The following KIF20B variants were observed in gnomAD, a reference collection of about 807,000 sequenced individuals.
The protein encoded by KIF20B is kinesin-like protein KIF20B.
A neutral mutation model predicts 232.5 loss-of-function variants in KIF20B; 188 were observed. That is an observed-to-expected ratio of 0.81 (90% CI 0.72 to 0.91). The LOEUF (loss-of-function observed/expected upper bound fraction) is 0.91. KIF20B is among the 40% of genes least tolerant of loss of function. The pLI, the probability that KIF20B is intolerant of heterozygous loss-of-function variation, is 0.00. For missense variants in KIF20B, 2,154 were observed against 2,055.9 expected (o/e 1.05, Z -0.92); for synonymous variants, 712 against 683.0 (o/e 1.04, Z -0.66).
intron 9 of KIF20B, among the ~76,000 whole-genome samples, chr10:89,717,103 T>C (rs1842951453): frequency 6.6e-6 from 1 of 152,244 alleles, no homozygotes. Flanking sequence ...GAGTATTGGC[T>C]AGCTGTACAT....
rs1886996 is a variant in KIF20B, at chr10:89,738,370, T to A, written c.3529T>A (p.Cys1177Ser). ...ETILETQKVE[C>S]SHSAKLEQDI... is the part of the protein sequence containing the mutation. ...AATTTTAGAGACTCAGAAAGTTGAA[T>A]GTAGTCATTCAGCCAAGTTAGAACA... The change falls in exon 20 of 33, where the codon TGT becomes AGT. Residue 1177 changes from cysteine (C) to serine (S), a missense_variant. By Grantham distance (112) the Cys-to-Ser change is moderately radical. Transcript: ENST00000371728. 6.2e-7 allele frequency: 1 copy of A among 1,608,490 alleles called. No individual in the cohort carries two copies. Among genetic ancestry groups the A allele is most frequent in the Admixed American group, 1.7e-5 (1 of 58,988 alleles).
chr10:89,753,011 A>G (rs1209238805), intron 25 of KIF20B, among the ~76,000 whole-genome samples: 1 of 152,174 alleles, frequency 6.6e-6, no homozygotes, highest in Admixed American at 6.5e-5. Flanking sequence ...CTTACTCATC[A>G]AATACTGCTG....
chr10:89,719,008 G>T, intron 12 of KIF20B, 136 bp downstream of exon 12: 1 of 582,630 alleles, frequency 1.7e-6, no homozygotes. Context: ...CAAGTAGGAA[G>T]ACATGAGAAA....
intron 1 of KIF20B, among the ~76,000 whole-genome samples, chr10:89,702,567 G>A (rs1367258504): frequency 6.6e-6 from 1 of 152,138 alleles, no homozygotes; most frequent in African/African-American, 2.4e-5. Flanking sequence ...GAGGCTTTGT[G>A]TTGTAGACCA....
intron 22 of KIF20B, among the ~76,000 whole-genome samples, chr10:89,744,913 T>TG (rs1177306614): frequency 6.6e-6 from 1 of 152,216 alleles, no homozygotes; most frequent in Admixed American, 6.5e-5. Flanking sequence ...TAGATGAGAT[T>TG]GGGGGTGAAG....
intron 13 of KIF20B, among the ~76,000 whole-genome samples, chr10:89,719,907 C>A (rs1007469927): frequency 1.9e-4 from 29 of 152,082 alleles, no homozygotes; most frequent in Admixed American, 1.7e-3. Flanking sequence ...TCTCCACTTA[C>A]CATTTTATGA....
rs373759708 is a variant in KIF20B at position 89,732,992 on chromosome 10, C to A, written c.2481C>A (p.Ile827=). The A allele has an allele frequency of 2.5e-6, 4 of 1,613,430 alleles. No individual in the cohort carries two copies. The highest frequency in any genetic ancestry group is 3.4e-6 in the Non-Finnish European group (4 of 1,179,642). ...VEVPKDSKSK[I]CSERKRVNEN... ...TACCTAAGGACAGCAAATCTAAAAT[C>A]TGTTCAGAAAGAAAAAGAGTAAATG... Residue 827 remains isoleucine (I), a synonymous_variant, in exon 19 of 33, where the codon ATC becomes ATA. Coordinates refer to ENST00000371728, the MANE Select transcript of KIF20B (RefSeq NM_001284259.2).
At chr10:89,723,163 T>C (rs7096466) in intron 13 of KIF20B, among the ~76,000 whole-genome samples, 46,970 of 152,068 alleles carry the variant, frequency 0.31, 8,166 homozygotes, top group African/African-American at 0.46. Context: ...AAAGTCTGGA[T>C]AGCTGTAGAA....
rs1842529955 is a variant in KIF20B at position 89,774,519 on chromosome 10, A to C, written c.*471A>C. The C allele has an allele frequency of 6.6e-6, 1 of 152,052 alleles. No homozygotes were observed. The highest frequency in any genetic ancestry group is 1.5e-5 in the Non-Finnish European group (1 of 67,944). 9.4% of individuals were successfully genotyped at this position (152,052 alleles called of 1,614,324 possible). On this transcript the variant is annotated 3_prime_UTR_variant, in exon 33 of 33. Transcript: ENST00000371728. ...ATTTAGAAAAGATCTCAAGTCTTTA[A>C]TTAGAATGTCTCACTTATTTTGTAA... is the stretch of plus-strand genomic sequence containing the variant.
chr10:89,770,722 G>A (rs1409121432), intron 31 of KIF20B, among the ~76,000 whole-genome samples: 1 of 151,670 alleles, frequency 6.6e-6, no homozygotes, highest in Non-Finnish European at 1.5e-5. Context: ...AATATAGAGA[G>A]AAAAGAAAAA....
At chr10:89,768,909 A>G in intron 31 of KIF20B, 21 bp downstream of exon 31, 3 of 1,568,720 alleles carry the variant, frequency 1.9e-6, no homozygotes, top group Middle Eastern at 1.7e-4. Flanking sequence ...AATTAATTAA[A>G]TGACCTTTTT....
At position 89,754,543 on chromosome 10, in the gene KIF20B, A is replaced by T; in HGVS notation, c.4373A>T (p.Asp1458Val). Reference sequence around the variant, plus strand: ...GAGTCTGAACAGAAATATAATGCTGATAGAAAGAAATGGTTAGAAGAAAAA... The same window carrying T: ...GAGTCTGAACAGAAATATAATGCTGTTAGAAAGAAATGGTTAGAAGAAAAA... ...LQESEQKYNA[D>V]RKKWLEEKMM... is the part of the protein sequence containing the mutation. Residue 1458 changes from aspartate to valine, a missense_variant, in exon 26 of 33, where the codon GAT becomes GTT. Physicochemically the swap from Asp to Val is radical, Grantham distance 152. Coordinates refer to ENST00000371728, the MANE Select transcript of KIF20B (RefSeq NM_001284259.2). The T allele has an allele frequency of 6.3e-7, 1 of 1,599,536 alleles. No homozygotes were observed. The highest frequency in any genetic ancestry group is 1.3e-5 in the African/African-American group (1 of 74,496).
At chr10:89,740,288 A>T (rs1478286447) in intron 21 of KIF20B, among the ~76,000 whole-genome samples, 3 of 147,240 alleles carry the variant, frequency 2.0e-5, no homozygotes, top group Middle Eastern at 3.3e-3. Context: ...TTTAAAAAAA[A>T]TTTACTGGTT....
In KIF20B at chr10:89,717,648, G is replaced by A. The variant is rs1262064560; in HGVS notation, c.1197G>A (p.Glu399=). ...AGAATGAAGGTGAAAGGTTAAGAGAGACTGGGAATATCAACACTTCTTTAT... is the reference window on the plus strand; with the variant it reads ...AGAATGAAGGTGAAAGGTTAAGAGAAACTGGGAATATCAACACTTCTTTAT... ...KTQNEGERLR[E]TGNINTSLLT... Residue 399 remains glutamate, a synonymous_variant, in exon 11 of 33, where the codon GAG becomes GAA. Transcript: ENST00000371728. The A allele has an allele frequency of 5.6e-6, 9 of 1,610,228 alleles. No homozygotes were observed. Among genetic ancestry groups the A allele is most frequent in the Non-Finnish European group, 7.6e-6 (9 of 1,177,084 alleles).
chr10:89,754,596 G>A lies in KIF20B; in HGVS notation c.4426G>A (p.Ala1476Thr), dbSNP rs1272964199. ...KMMLITQAKE[A>T]ENIRNKEMKK... ...GATGCTTATCACTCAAGCGAAAGAA[G>A]CAGAGAATATACGAAATAAAGAGAT... The change falls in exon 26 of 33, where the codon GCA becomes ACA. Residue 1476 changes from alanine to threonine, a missense_variant. Physicochemically the swap from Ala to Thr is moderately conservative, Grantham distance 58. Transcript: ENST00000371728. 1 of 1,606,826 alleles carries A rather than the reference G, an allele frequency of 6.2e-7. No individual in the cohort carries two copies. The highest frequency in any genetic ancestry group is 1.7e-5 in the Admixed American group (1 of 59,096).
intron 23 of KIF20B, among the ~76,000 whole-genome samples, chr10:89,747,706 A>AAG (rs1841943300): frequency 6.6e-6 from 1 of 151,632 alleles, no homozygotes; most frequent in East Asian, 1.9e-4. Flanking sequence ...TGGACACAGG[A>AAG]AGGGGAACAT....
rs1490568537 is a variant in KIF20B at position 89,738,040 on chromosome 10, A to G, written c.3199A>G (p.Ile1067Val). Residue 1067 changes from isoleucine to valine, a missense_variant, in exon 20 of 33, where the codon ATT becomes GTT. Transcript: ENST00000371728. ...AGCTATTTGGGAAGAATGTAAAGAGATTGTGAAGGCCTCTTCCAAAAAAAG... is the reference window on the plus strand; with the variant it reads ...AGCTATTTGGGAAGAATGTAAAGAGGTTGTGAAGGCCTCTTCCAAAAAAAG... ...IEAIWEECKEIVKASSKKSHQ... is the reference protein window; with the variant it reads ...IEAIWEECKEVVKASSKKSHQ... 18 of 1,613,378 alleles carry G rather than the reference A, an allele frequency of 1.1e-5. No homozygotes were observed. Among genetic ancestry groups the G allele is most frequent in the African/African-American group, 4.0e-5 (3 of 74,896 alleles).
chr10:89,723,183 A>G (rs932492722), intron 13 of KIF20B, among the ~76,000 whole-genome samples: 1 of 152,212 alleles, frequency 6.6e-6, no homozygotes, highest in Non-Finnish European at 1.5e-5. Flanking sequence ...ACTATTTTCA[A>G]ATATAAAGTT....
At chr10:89,703,447 C>T (rs1365537114) in intron 1 of KIF20B, among the ~76,000 whole-genome samples, 1 of 152,046 alleles carries the variant, frequency 6.6e-6, no homozygotes, top group African/African-American at 2.4e-5. Context: ...GGTGAGGGGC[C>T]ACCATCTAGA....
Sources: allele counts gnomAD v4.1 joint callset (sites outside exome capture counted in the v4.1 genomes callset), GRCh38; gene constraint gnomAD v4.1.1; transcripts MANE v1.5; gene names NCBI Gene and HGNC (gene_info 2026-07-23, HGNC 2026-07-21).